Variants in ATG9A observed in about 807,000 individuals in gnomAD.
ATG9A encodes the protein autophagy related 9A.
ATG9A carries 21 observed loss-of-function variants against 87.1 expected under a neutral mutation model. That is an observed-to-expected ratio of 0.24 (90% CI 0.17 to 0.35). The LOEUF (loss-of-function observed/expected upper bound fraction) is 0.35. Among genes scored for constraint, ATG9A ranks in the 10% least tolerant of loss-of-function variants. The probability of loss-of-function intolerance (pLI) is 1.00; values close to 1 mark genes in which losing one functional copy is unlikely to be tolerated. For synonymous variants in ATG9A, 422 were observed against 441.3 expected (o/e 0.96, Z 0.55); for missense variants, 836 against 1,107.3 (o/e 0.76, Z 3.48).
In ATG9A at chr2:219,222,109, G is replaced by T. The variant is rs1204817229; in HGVS notation, c.2086C>A (p.Leu696Met). ...SSVWEGQLQS[L>M]VLSEYASTEM... The stretch of plus-strand genomic sequence containing the variant: ...GTGGATGCATATTCTGACAGCACCA[G>T]GCTCTGCAGCTGTCCTTCCCACACG... The change falls in exon 13 of 16, where the codon CTG (leucine) becomes ATG (methionine). Residue 696 changes from leucine to methionine, a missense_variant. Coordinates refer to ENST00000361242, the MANE Select transcript of ATG9A (RefSeq NM_001077198.3). This position sits in a 1 kb window ranked among gnomAD's most constrained non-coding sequence, Gnocchi z 4.3. The T allele has an allele frequency of 3.1e-6, 5 of 1,613,948 alleles. No individual in the cohort carries two copies. In the African/African-American group the frequency reaches 6.7e-5, roughly 22 times the overall value.
intron 5 of ATG9A, among the ~76,000 whole-genome samples, chr2:219,226,351 T>G (rs1950860300): frequency 6.6e-6 from 1 of 152,160 alleles, no homozygotes; most frequent in African/African-American, 2.4e-5. Context: ...AAGGCTTGGG[T>G]TCTTTTCATG....
At chr2:219,220,530 G>C (rs1055991571) in intron 15 of ATG9A, 78 bp from the exon 16 acceptor site, 69 of 1,588,844 alleles carry the variant, frequency 4.3e-5, no homozygotes, top group Non-Finnish European at 5.9e-5. Context: ...GAAACCTAGA[G>C]GTAAAGGGAC....
chr2:219,221,054 T>C, intron 14 of ATG9A, 26 bp downstream of exon 14: 2 of 1,610,106 alleles, frequency 1.2e-6, no homozygotes, highest in Non-Finnish European at 1.7e-6. Flanking sequence ...GCAGCCTCTG[T>C]TTCCTCCTAT....
rs775521583 is a variant in ATG9A, at chr2:219,222,235, C to G, written c.2027+37G>C. On this transcript the variant is annotated intron_variant, in intron 12 of 15. Transcript: ENST00000361242. The surrounding 1 kb of genome is among the most constrained non-coding windows in gnomAD (Gnocchi z 4.3). The stretch of plus-strand genomic sequence containing the variant: ...TGAGACCCACACAAGCTGCTGAGGG[C>G]TGCCGTGCCCTCCCATCTTGGCCCC... 2.5e-5 allele frequency: 40 copies of G among 1,613,238 alleles called. No homozygotes were observed. The highest frequency in any genetic ancestry group is 3.4e-5 in the Non-Finnish European group (40 of 1,179,828).
At position 219,223,487 on chromosome 2, in the gene ATG9A, T is replaced by C; in HGVS notation, c.1599+98A>G. ...GTGTGCCCCTGGTATAGGACTGCCT[T>C]TGTGTGACTCAGGAGAGGTGTCTTT... On this transcript the variant is annotated intron_variant, in intron 10 of 15. Transcript: ENST00000361242. The surrounding 1 kb of genome is among the most constrained non-coding windows in gnomAD (Gnocchi z 4.7). 7.2e-7 allele frequency: 1 copy of C among 1,380,856 alleles called. No individual in the cohort carries two copies. The highest frequency in any genetic ancestry group is 9.7e-7 in the Non-Finnish European group (1 of 1,027,984). The allele number at this position is 1,380,856 out of a possible 1,614,324, so 85.5% of individuals were successfully genotyped here. A position where few individuals can be genotyped will look rare whatever the true frequency, so the allele number is the denominator to read the frequency against.
chr2:219,226,451 G>A (rs578009740), intron 5 of ATG9A, among the ~76,000 whole-genome samples: 38 of 152,358 alleles, frequency 2.5e-4, no homozygotes, highest in Non-Finnish European at 4.4e-4. Flanking sequence ...TCGGGAGGTT[G>A]AGGCGGGCAG....
chr2:219,223,504 G>A lies in ATG9A; in HGVS notation c.1599+81C>T, dbSNP rs746565335. On this transcript the variant is annotated intron_variant, in intron 10 of 15. Transcript: ENST00000361242. This position sits in a 1 kb window ranked among gnomAD's most constrained non-coding sequence, Gnocchi z 4.7. ...GACTGCCTTTGTGTGACTCAGGAGAGGTGTCTTTTTGCGGTTTTCCCAAAG... is the reference window on the plus strand; with the variant it reads ...GACTGCCTTTGTGTGACTCAGGAGAAGTGTCTTTTTGCGGTTTTCCCAAAG... 6.2e-6 allele frequency: 9 copies of A among 1,441,814 alleles called. No individual in the cohort carries two copies. The highest frequency in any genetic ancestry group is 8.4e-6 in the Non-Finnish European group (9 of 1,070,774). 89.3% of individuals were successfully genotyped at this position (1,441,814 alleles called of 1,614,324 possible). A position where few individuals can be genotyped will look rare whatever the true frequency, so the allele number is the denominator to read the frequency against.
chr2:219,227,731 A>G (rs781255907), intron 4 of ATG9A, 39 bp downstream of exon 4: 3 of 1,608,002 alleles, frequency 1.9e-6, no homozygotes, highest in Non-Finnish European at 2.6e-6. Context: ...GAGAGACATT[A>G]AAGGTCCCAG....
At position 219,220,378 on chromosome 2, in the gene ATG9A, G is replaced by C. The variant is rs921558788; in HGVS notation, c.*69C>G. On this transcript the variant is annotated 3_prime_UTR_variant, in exon 16 of 16. Transcript: ENST00000361242. Reference sequence around the variant, plus strand: ...GAACACTCAGAGGAGCCGTCCCATGGCAGGCAGACGGGATGGCAGGGCAGC... The same window carrying C: ...GAACACTCAGAGGAGCCGTCCCATGCCAGGCAGACGGGATGGCAGGGCAGC... 2.3e-5 allele frequency: 36 copies of C among 1,584,766 alleles called. No individual in the cohort carries two copies. In the Admixed American group the frequency reaches 5.6e-4, roughly 24 times the overall value.
Position 219,222,644 on chromosome 2 carries a change from C to T in ATG9A, c.1848+1G>A. The T allele has an allele frequency of 6.2e-7, 1 of 1,614,030 alleles. No homozygotes were observed. The highest frequency in any genetic ancestry group is 8.5e-7 in the Non-Finnish European group (1 of 1,179,900). On this transcript the variant is annotated splice_donor_variant, in intron 11 of 15. Coordinates refer to ENST00000361242, the MANE Select transcript of ATG9A (RefSeq NM_001077198.3). LOFTEE classifies it high-confidence loss of function. The surrounding 1 kb of genome is among the most constrained non-coding windows in gnomAD (Gnocchi z 4.3). ...TCATCTCCCAGTCACCAGGAACACA[C>T]CTCAGACTCAGATTGTAAGGACTGG... is the stretch of plus-strand genomic sequence containing the variant.
At position 219,222,074 on chromosome 2, in the gene ATG9A, G is replaced by C. The variant is rs747567905; in HGVS notation, c.2121C>G (p.Ser707Arg). The C allele has an allele frequency of 5.6e-6, 9 of 1,613,890 alleles. No individual in the cohort carries two copies. The highest frequency in any genetic ancestry group is 8.5e-7 in the Non-Finnish European group (1 of 1,180,018). Residue 707 changes from serine to arginine, a missense_variant, in exon 13 of 16, where the codon AGC becomes AGG. Physicochemically the swap from Ser to Arg is moderately radical, Grantham distance 110. This residue lies in a region of ATG9A where 324 missense variants were observed against 347.6 expected (regional missense o/e 0.93). Transcript: ENST00000361242. This position sits in a 1 kb window ranked among gnomAD's most constrained non-coding sequence, Gnocchi z 4.3. ...VLSEYASTEM[S>R]LHALYMHQLH... ...CCTGGTGCATATAGAGGGCATGCAGGCTCATCTCTGTGGATGCATATTCTG... is the reference window on the plus strand; with the variant it reads ...CCTGGTGCATATAGAGGGCATGCAGCCTCATCTCTGTGGATGCATATTCTG...
At chr2:219,220,544 A>G (rs1950730019) in intron 15 of ATG9A, 92 bp from the exon 16 acceptor site, 2 of 1,570,068 alleles carry the variant, frequency 1.3e-6, no homozygotes, top group East Asian at 4.5e-5. Context: ...AAGGGACAGG[A>G]AAGGTTGATT....
intron 4 of ATG9A, 33 bp from the exon 5 acceptor site, chr2:219,226,966 A>C (rs905267443): frequency 1.3e-6 from 2 of 1,571,844 alleles, no homozygotes; most frequent in African/African-American, 1.4e-5. Flanking sequence ...GTCAGTAAAG[A>C]AAGCAGGTAA....
chr2:219,228,824 G>A (rs1460938513), intron 1 of ATG9A: 3 of 152,262 alleles, frequency 2.0e-5, no homozygotes. Context: ...AAAACCTCAA[G>A]AGTCTTTCCT....
rs1175481944 is a variant in ATG9A at position 219,222,620 on chromosome 2, C to A, written c.1848+25G>T. The stretch of plus-strand genomic sequence containing the variant: ...AGCTCCTGAAGTCCACTCTGCCCAT[C>A]ATCTCCCAGTCACCAGGAACACACC... On this transcript the variant is annotated intron_variant, in intron 11 of 15. Transcript: ENST00000361242. This position sits in a 1 kb window ranked among gnomAD's most constrained non-coding sequence, Gnocchi z 4.3. 6 of 1,611,484 alleles carry A rather than the reference C, an allele frequency of 3.7e-6. No homozygotes were observed. Among genetic ancestry groups the A allele is most frequent in the Non-Finnish European group, 5.1e-6 (6 of 1,177,944 alleles).
At position 219,223,970 on chromosome 2, in the gene ATG9A, C is replaced by T. The variant is rs755849358; in HGVS notation, c.1318G>A (p.Val440Met). The T allele has an allele frequency of 3.7e-6, 6 of 1,613,920 alleles. No homozygotes were observed. The highest frequency in any genetic ancestry group is 5.1e-6 in the Non-Finnish European group (6 of 1,179,958). The stretch of plus-strand genomic sequence containing the variant: ...ATGTAGTGGATGTGAGCGAGGATCA[C>T]GCGGAGCAGCTGCTCAGGGCAGAAC... Reference protein sequence around the residue: ...MVFCPEQLLRVILAHIHYMPD... With the variant: ...MVFCPEQLLRMILAHIHYMPD... The change falls in exon 9 of 16, where the codon GTG becomes ATG. Residue 440 changes from valine (V) to methionine (M), a missense_variant. This residue lies in a region of ATG9A where 512 missense variants were observed against 759.6 expected (regional missense o/e 0.67). Coordinates refer to ENST00000361242, the MANE Select transcript of ATG9A (RefSeq NM_001077198.3). This position sits in a 1 kb window ranked among gnomAD's most constrained non-coding sequence, Gnocchi z 4.7.
At chr2:219,226,792 G>C in intron 5 of ATG9A, 77 bp downstream of exon 5, 1 of 1,385,646 alleles carries the variant, frequency 7.2e-7, no homozygotes, top group Admixed American at 1.7e-5. Flanking sequence ...TGGCAGGTTG[G>C]GCCAAGTGTG....
In ATG9A at chr2:219,225,485, G is replaced by A; in HGVS notation, c.300C>T (p.His100=). The change falls in exon 6 of 16, where the codon CAC becomes CAT. Residue 100 remains histidine (H), a synonymous_variant. Coordinates refer to ENST00000361242, the MANE Select transcript of ATG9A (RefSeq NM_001077198.3). ...DILFANKMVN[H]SLHPTEPVKV... ...TGACGGGTTCAGTAGGGTGAAGACT[G>A]TGGTTCACCATCTTGTTGGCAAATA... 6.2e-7 allele frequency: 1 copy of A among 1,614,150 alleles called. No individual in the cohort carries two copies. Among genetic ancestry groups the A allele is most frequent in the South Asian group, 1.1e-5 (1 of 91,076 alleles).
At position 219,224,350 on chromosome 2, in the gene ATG9A, G is replaced by A. The variant is rs370223751; in HGVS notation, c.1021C>T (p.Arg341Cys). 1.3e-5 allele frequency: 21 copies of A among 1,613,598 alleles called. No homozygotes were observed. Among genetic ancestry groups the A allele is most frequent in the East Asian group, 2.2e-5 (1 of 44,896 alleles). ...CWSLYGRCYLRHFNELEHELQ... is the reference protein window; with the variant it reads ...CWSLYGRCYLCHFNELEHELQ... Reference sequence around the variant, plus strand: ...TCGTGCTCCAGCTCGTTGAAGTGGCGGAGGTAGCAGCGGCCATAGAGTGAC... The same window carrying A: ...TCGTGCTCCAGCTCGTTGAAGTGGCAGAGGTAGCAGCGGCCATAGAGTGAC... The change falls in exon 8 of 16, where the codon CGC (arginine) becomes TGC (cysteine). Residue 341 changes from arginine to cysteine, a missense_variant. Physicochemically the swap from Arg to Cys is radical, Grantham distance 180 (BLOSUM62 -3). Coordinates refer to ENST00000361242, the MANE Select transcript of ATG9A (RefSeq NM_001077198.3). The surrounding 1 kb of genome is among the most constrained non-coding windows in gnomAD (Gnocchi z 7.7).
Sources: allele counts gnomAD v4.1 joint callset (sites outside exome capture counted in the v4.1 genomes callset), GRCh38; gene constraint gnomAD v4.1.1; regional missense constraint gnomAD v4.1.1; non-coding constraint Gnocchi (gnomAD v3.1); transcripts MANE v1.5; gene names NCBI Gene and HGNC (gene_info 2026-07-23, HGNC 2026-07-21).